Variants in ABLIM3 observed in about 807,000 individuals in gnomAD.
The protein encoded by ABLIM3 is actin binding LIM protein family member 3.
A neutral mutation model predicts 109.5 loss-of-function variants in ABLIM3; 61 were observed. The observed-to-expected ratio is 0.56, with a 90% CI of 0.45 to 0.69. ABLIM3 has a LOEUF of 0.69. Among genes scored for constraint, ABLIM3 ranks in the 30% least tolerant of loss-of-function variants. ABLIM3 has a pLI of 0.00. For synonymous variants in ABLIM3, 300 were observed against 324.8 expected (o/e 0.92, Z 0.82); for missense variants, 796 against 889.5 (o/e 0.89, Z 1.34).
rs1249128070 is a variant in ABLIM3 at position 149,216,840 on chromosome 5, C to T, written c.670-119C>T. On this transcript the variant is annotated intron_variant, in intron 7 of 23. Coordinates refer to ENST00000309868, the MANE Select transcript of ABLIM3 (RefSeq NM_014945.5). ...GACTCCCTTGGGTAGCTCCAACCAA[C>T]TTTAGGGCCATGAAGATGCAAACAA... 5.5e-6 allele frequency: 5 copies of T among 905,442 alleles called. No homozygotes were observed. The African/African-American group carries it at 8.2e-5, about 15-fold the overall frequency. 56.1% of individuals were successfully genotyped at this position (905,442 alleles called of 1,614,324 possible).
intron 18 of ABLIM3, among the ~76,000 whole-genome samples, chr5:149,248,724 T>C (rs1479141409): frequency 2.0e-5 from 3 of 150,826 alleles, no homozygotes; most frequent in African/African-American, 4.9e-5. Context: ...CGATGTCTTA[T>C]AATCATCGGA....
intron 2 of ABLIM3, among the ~76,000 whole-genome samples, chr5:149,159,838 T>C (rs749914746): frequency 4.1e-4 from 63 of 152,348 alleles, no homozygotes; most frequent in Non-Finnish European, 8.4e-4. Context: ...CTAGCTGCAC[T>C]GGCCTCCCTA....
At chr5:149,178,182 C>T (rs1756136282) in intron 2 of ABLIM3, among the ~76,000 whole-genome samples, 1 of 152,230 alleles carries the variant, frequency 6.6e-6, no homozygotes, top group Non-Finnish European at 1.5e-5. Context: ...CTCTCATGTA[C>T]AAGCCCCACC....
At chr5:149,238,190 A>C (rs1752426959) in intron 11 of ABLIM3, among the ~76,000 whole-genome samples, 1 of 152,124 alleles carries the variant, frequency 6.6e-6, no homozygotes, top group Admixed American at 6.5e-5. Flanking sequence ...AAACAAGAGA[A>C]AGTGTTTTCT....
chr5:149,240,029 G>T, intron 13 of ABLIM3, 141 bp downstream of exon 13: 2 of 1,235,300 alleles, frequency 1.6e-6, no homozygotes, highest in Non-Finnish European at 2.1e-6. Context: ...GGCCACCCAG[G>T]TGACCAGCTG....
intron 23 of ABLIM3, among the ~76,000 whole-genome samples, chr5:149,256,757 A>C (rs1217570728): frequency 1.3e-5 from 2 of 152,236 alleles, no homozygotes; most frequent in African/African-American, 4.8e-5. Flanking sequence ...AATGAAGCAA[A>C]TGTGGAAAAC....
intron 2 of ABLIM3, among the ~76,000 whole-genome samples, chr5:149,180,037 A>G (rs1276353092): frequency 6.6e-6 from 1 of 152,198 alleles, no homozygotes; most frequent in African/African-American, 2.4e-5. Flanking sequence ...CACATAATCT[A>G]TAAGGTCTAA....
intron 9 of ABLIM3, among the ~76,000 whole-genome samples, chr5:149,231,033 C>G (rs1418606500): frequency 6.6e-6 from 1 of 152,180 alleles, no homozygotes; most frequent in Non-Finnish European, 1.5e-5. Context: ...TTTTCCCAGC[C>G]TAAGGTCACT....
chr5:149,167,903 G>A (rs1055836785), intron 2 of ABLIM3, among the ~76,000 whole-genome samples: 23 of 152,168 alleles, frequency 1.5e-4, no homozygotes, highest in African/African-American at 5.3e-4. Context: ...GTGGGATGGA[G>A]GGGATCCATG....
chr5:149,200,221 G>A, intron 4 of ABLIM3, 95 bp from the exon 5 acceptor site: 1 of 1,026,806 alleles, frequency 9.7e-7, no homozygotes. Context: ...AAGTCAAGCT[G>A]TATGTGTTAC....
intron 2 of ABLIM3, among the ~76,000 whole-genome samples, chr5:149,150,637 T>C (rs929996969): frequency 1.3e-5 from 2 of 152,242 alleles, no homozygotes; most frequent in African/African-American, 4.8e-5. Context: ...TAGCATCTGC[T>C]GTGGTGAACG....
At chr5:149,159,004 T>C (rs1263150872) in intron 2 of ABLIM3, among the ~76,000 whole-genome samples, 2 of 152,200 alleles carry the variant, frequency 1.3e-5, no homozygotes, top group Non-Finnish European at 2.9e-5. Context: ...CTACCTATGA[T>C]CCAGCAATGC....
rs73269809 is a variant in ABLIM3 at position 149,232,433 on chromosome 5, T to C, written c.817-796T>C. Among the ~76,000 whole-genome samples the C allele has an allele frequency of 5.0e-3, 765 of 152,370 alleles. 6 individuals are homozygous for C. Among genetic ancestry groups the C allele is most frequent in the African/African-American group, 0.018 (728 of 41,574 alleles). On this transcript the variant is annotated intron_variant, in intron 9 of 23. Transcript: ENST00000309868. ...CGTTAGATTTTACTCTCTAACTCTA[T>C]GATTCAGTATTATCAAATGTTCCAC...
intron 6 of ABLIM3, 29 bp downstream of exon 6, chr5:149,207,163 C>T (rs770095222): frequency 3.1e-6 from 5 of 1,606,772 alleles, no homozygotes; most frequent in Admixed American, 1.7e-5. Flanking sequence ...GCCCCAGCTG[C>T]CTGGGCCTCT....
At chr5:149,242,641 A>C in intron 15 of ABLIM3, 103 bp downstream of exon 15, 2 of 1,236,964 alleles carry the variant, frequency 1.6e-6, no homozygotes, top group Non-Finnish European at 2.4e-6. Flanking sequence ...ACAAAACACA[A>C]GGCTGCATCT....
rs529340196 is a variant in ABLIM3, at chr5:149,221,977, G to A, written c.757+4931G>A. 3.3e-5 allele frequency among the ~76,000 whole-genome samples: 5 copies of A among 152,066 alleles called. No homozygotes were observed. The South Asian group carries it at 6.2e-4, about 19-fold the overall frequency. ...TCAGCTGCACATTTTAAAACAATTCGCTGTTATCATTTGTATATTTAACTA... is the reference window on the plus strand; with the variant it reads ...TCAGCTGCACATTTTAAAACAATTCACTGTTATCATTTGTATATTTAACTA... On this transcript the variant is annotated intron_variant, in intron 8 of 23. Coordinates refer to ENST00000309868, the MANE Select transcript of ABLIM3 (RefSeq NM_014945.5).
intron 2 of ABLIM3, among the ~76,000 whole-genome samples, chr5:149,161,268 G>A (rs1456763728): frequency 1.3e-5 from 2 of 152,170 alleles, no homozygotes; most frequent in African/African-American, 4.8e-5. Flanking sequence ...ATGCTCCTTA[G>A]CCAGTAGCAA....
intron 3 of ABLIM3, among the ~76,000 whole-genome samples, chr5:149,195,175 A>G (rs909310340): frequency 5.3e-5 from 8 of 152,182 alleles, no homozygotes; most frequent in African/African-American, 1.9e-4. Context: ...AGCTCCAGAG[A>G]GCTGGGATAA....
rs1259147101 is a variant in ABLIM3 at position 149,239,744 on chromosome 5, C to T, written c.1075-15C>T. 1 of 1,584,522 alleles carries T rather than the reference C, an allele frequency of 6.3e-7. No homozygotes were observed. Among genetic ancestry groups the T allele is most frequent in the Non-Finnish European group, 8.6e-7 (1 of 1,166,698 alleles). The stretch of plus-strand genomic sequence containing the variant: ...TAACAGCCAGCCATGCTCACAGCCC[C>T]ATTTCCTCTCCCAGGACATCTACGA... On this transcript the variant is annotated splice_polypyrimidine_tract_variant and intron_variant, in intron 12 of 23. Transcript: ENST00000309868.
Sources: gnomAD v4.1 joint callset for allele counts (sites outside exome capture counted in the v4.1 genomes callset) on GRCh38, gnomAD v4.1.1 for gene constraint, MANE v1.5 for transcripts, NCBI Gene and HGNC (gene_info 2026-07-23, HGNC 2026-07-21) for gene names.